The following TEX101 variants were observed in gnomAD, a reference collection of about 807,000 sequenced individuals.
The protein encoded by TEX101 is testis-expressed protein 101.
Under a neutral mutation model 18.1 loss-of-function variants are expected in TEX101, and 10 were observed. The ratio of observed to expected loss-of-function variants is 0.55; its 90% CI spans 0.34 to 0.94. The LOEUF is 0.94. Ranked by LOEUF, TEX101 falls within the 40% of genes least tolerant of loss-of-function variation. The pLI is 0.02. For synonymous variants in TEX101, 94 were observed against 114.8 expected, an observed-to-expected ratio of 0.82 and a Z score of 1.16; for missense variants, 259 against 298.9, an observed-to-expected ratio of 0.87 and a Z score of 0.98.
upstream of TEX101, among the ~76,000 whole-genome samples, chr19:43,411,658 T>G (rs940684492): frequency 1.3e-5 from 2 of 152,100 alleles, no homozygotes; most frequent in Admixed American, 6.5e-5. Context: ...TTTTCTTTTT[T>G]TTTGAGACCA....
At chr19:43,409,595 A>AG (rs1970400999) in intron 3 of TEX101, among the ~76,000 whole-genome samples, 2 of 152,004 alleles carry the variant, frequency 1.3e-5, no homozygotes. Flanking sequence ...AGTAAGCACA[A>AG]GAAAGTTGAA....
upstream of TEX101, among the ~76,000 whole-genome samples, chr19:43,414,148 A>AGGGAG (rs1401577944): frequency 2.0e-5 from 2 of 100,494 alleles, no homozygotes; most frequent in Admixed American, 1.2e-4. Flanking sequence ...GGGGAGGGGA[A>AGGGAG]GGGAGGGGAG....
chr19:43,407,259 G>T (rs1402653806), intron 3 of TEX101, among the ~76,000 whole-genome samples: 1 of 152,144 alleles, frequency 6.6e-6, no homozygotes, highest in African/African-American at 2.4e-5. Context: ...CAAGGCGGGC[G>T]AATCACCTGA....
chr19:43,409,484 A>G (rs1970399932), intron 3 of TEX101, among the ~76,000 whole-genome samples: 1 of 152,212 alleles, frequency 6.6e-6, no homozygotes, highest in African/African-American at 2.4e-5. Flanking sequence ...AATTGCATAA[A>G]AAAGCAATAC....
At chr19:43,395,750 T>C in the TEX101 span, among the ~76,000 whole-genome samples, 1 of 152,258 alleles carries the variant, frequency 6.6e-6, no homozygotes, top group Admixed American at 6.5e-5. Context: ...AGGACACACC[T>C]GCCCAAAGCA....
At chr19:43,407,453 C>T (rs1382148159) in intron 3 of TEX101, among the ~76,000 whole-genome samples, 1 of 151,054 alleles carries the variant, frequency 6.6e-6, no homozygotes, top group Non-Finnish European at 1.5e-5. Context: ...TCACTGCACT[C>T]CAGCCTGGGC....
At chr19:43,391,922 G>A in the TEX101 span, among the ~76,000 whole-genome samples, 1 of 152,170 alleles carries the variant, frequency 6.6e-6, no homozygotes, top group African/African-American at 2.4e-5. Context: ...CTTTCTAGCT[G>A]CAGCACCCCC....
At chr19:43,407,833 T>C (rs1970382463) in intron 3 of TEX101, among the ~76,000 whole-genome samples, 1 of 152,196 alleles carries the variant, frequency 6.6e-6, no homozygotes, top group African/African-American at 2.4e-5. Context: ...GAGCTCATTG[T>C]CTTGGGAAAC....
chr19:43,408,892 C>T (rs894400212), intron 3 of TEX101, among the ~76,000 whole-genome samples: 1 of 152,184 alleles, frequency 6.6e-6, no homozygotes, highest in African/African-American at 2.4e-5. Flanking sequence ...GTGGCCTGAT[C>T]CCACCCCTGG....
upstream of TEX101, among the ~76,000 whole-genome samples, chr19:43,414,373 G>A (rs1460973625): frequency 1.3e-5 from 2 of 152,180 alleles, no homozygotes; most frequent in Non-Finnish European, 1.5e-5. Context: ...AGGAGACCAT[G>A]AGGAGGCTGG....
upstream of TEX101, among the ~76,000 whole-genome samples, chr19:43,410,663 C>A (rs1485044435): frequency 6.6e-6 from 1 of 151,914 alleles, no homozygotes; most frequent in Non-Finnish European, 1.5e-5. Context: ...GGATCAGACA[C>A]AGCTGGAAGG....
chr19:43,395,212 CCTTT>C, the TEX101 span, among the ~76,000 whole-genome samples: 159 of 152,260 alleles, frequency 1.0e-3, 1 homozygote, highest in African/African-American at 3.6e-3. Flanking sequence ...GGATGAGCTG[CCTTT>C]CTTTATCATC....
At chr19:43,392,890 T>C in the TEX101 span, among the ~76,000 whole-genome samples, 1 of 152,008 alleles carries the variant, frequency 6.6e-6, no homozygotes, top group Non-Finnish European at 1.5e-5. Flanking sequence ...AAACCCTGTC[T>C]CTACTAAAAA....
chr19:43,399,873 T>A (rs1291621593), upstream of TEX101, among the ~76,000 whole-genome samples: 1 of 149,436 alleles, frequency 6.7e-6, no homozygotes, highest in Non-Finnish European at 1.5e-5. Context: ...TGGAGTGCAA[T>A]GGTATGATCT....
Position 43,414,906 on chromosome 19 carries a change from C to T in TEX101, c.-172C>T, listed in dbSNP as rs553361163. 1.0e-4 allele frequency: 101 copies of T among 985,438 alleles called. No individual in the cohort carries two copies. In the African/African-American group the frequency reaches 1.6e-3, roughly 15 times the overall value. 61.0% of individuals were successfully genotyped at this position (985,438 alleles called of 1,614,324 possible). ...TTGCGTCGTAAGAGAATGCCAAGCC[C>T]GGGGAGAAGGCGTTCCGGGCCTCAA... On this transcript the variant is annotated 5_prime_UTR_variant, in exon 1 of 6. Coordinates refer to ENST00000598265, the MANE Select transcript of TEX101 (RefSeq NM_001130011.3).
At chr19:43,411,244 T>C (rs1970416644), upstream of TEX101, among the ~76,000 whole-genome samples, 1 of 152,108 alleles carries the variant, frequency 6.6e-6, no homozygotes, top group Non-Finnish European at 1.5e-5. Flanking sequence ...GCCCAGCTAA[T>C]TTTTTCATTT....
intron 3 of TEX101, among the ~76,000 whole-genome samples, chr19:43,407,020 A>G (rs1433397176): frequency 1.4e-5 from 2 of 148,092 alleles, no homozygotes; most frequent in African/African-American, 2.5e-5. Context: ...TATGTGAGCT[A>G]TGTGATCGGC....
chr19:43,400,064 C>T (rs1046816809), upstream of TEX101, among the ~76,000 whole-genome samples: 1 of 152,220 alleles, frequency 6.6e-6, no homozygotes, highest in African/African-American at 2.4e-5. Context: ...ATCTACCCGC[C>T]TCAGCCTCCC....
At chr19:43,410,954 G>A (rs540741123), upstream of TEX101, among the ~76,000 whole-genome samples, 2 of 152,204 alleles carry the variant, frequency 1.3e-5, no homozygotes, top group South Asian at 4.1e-4. Flanking sequence ...CACTGCAACT[G>A]CAACCTCCAC....
Sources: allele counts gnomAD v4.1 joint callset (sites outside exome capture counted in the v4.1 genomes callset), GRCh38; gene constraint gnomAD v4.1.1; transcripts MANE v1.5; gene names NCBI Gene and HGNC (gene_info 2026-07-23, HGNC 2026-07-21).